The following SIGIRR variants were observed in gnomAD, a reference collection of about 807,000 sequenced individuals.
SIGIRR encodes the protein single Ig and TIR domain containing, also known as single Ig IL-1-related receptor.
Under a neutral mutation model 45.6 loss-of-function variants are expected in SIGIRR, and 41 were observed. The observed-to-expected ratio is 0.90, with a 90% CI of 0.70 to 1.17. SIGIRR has a LOEUF of 1.17. Ranked by LOEUF, SIGIRR falls within the 50% of genes most tolerant of loss-of-function variation. SIGIRR has a pLI of 0.00. For missense variants in SIGIRR, 599 were observed against 539.6 expected (o/e 1.11, Z -1.09); for synonymous variants, 298 against 239.0 (o/e 1.25, Z -2.28).
chr11:409,639 C>G (rs534082081), intron 2 of SIGIRR: 1 of 435,806 alleles, frequency 2.3e-6, no homozygotes, highest in Admixed American at 4.0e-5. Flanking sequence ...CTTTACTGAC[C>G]CTCATGAGCC....
chr11:409,941 C>T lies in SIGIRR; in HGVS notation c.-67G>A, dbSNP rs1448436435. 3.2e-6 allele frequency: 4 copies of T among 1,262,562 alleles called. No individual in the cohort carries two copies. In the African/African-American group the frequency reaches 4.6e-5, roughly 15 times the overall value. 78.2% of individuals were successfully genotyped at this position (1,262,562 alleles called of 1,614,324 possible). ...GGTCACCCCTGGCTCCACCGGGCTC[C>T]TCGGCCAGCAGACTGATCCAAGAGC... On this transcript the variant is annotated 5_prime_UTR_variant, in exon 2 of 10. Coordinates refer to ENST00000431843, the MANE Select transcript of SIGIRR (RefSeq NM_001135054.2).
Position 409,973 on chromosome 11 carries a change from G to A in SIGIRR, c.-99C>T, listed in dbSNP as rs1037886467. On this transcript the variant is annotated 5_prime_UTR_variant, in exon 2 of 10. Transcript: ENST00000431843. ...AGCAGACTGATCCAAGAGCTGGGCA[G>A]GACTCCTCTCTGTCCTTGCAGTCAG... 2 of 1,253,336 alleles carry A rather than the reference G, an allele frequency of 1.6e-6. No individual in the cohort carries two copies. The highest frequency in any genetic ancestry group is 3.1e-5 in the African/African-American group (2 of 64,480). 77.6% of individuals were successfully genotyped at this position (1,253,336 alleles called of 1,614,324 possible). A position where few individuals can be genotyped will look rare whatever the true frequency, so the allele number is the denominator to read the frequency against.
At chr11:409,707 G>T in intron 2 of SIGIRR, 161 bp downstream of exon 2, 1 of 768,266 alleles carries the variant, frequency 1.3e-6, no homozygotes, top group Non-Finnish European at 1.9e-6. Flanking sequence ...TGGTTTCAGG[G>T]CCAAGGGCCC....
intron 6 of SIGIRR, 33 bp from the exon 7 acceptor site, chr11:407,197 C>A (rs1402626277): frequency 3.7e-5 from 3 of 81,428 alleles, no homozygotes; most frequent in South Asian, 3.2e-4. Flanking sequence ...GGCGCAGGGG[C>A]GGGGGCGGGG....
At chr11:416,816 G>A (rs1046415433), upstream of SIGIRR, among the ~76,000 whole-genome samples, 70 of 152,158 alleles carry the variant, frequency 4.6e-4, no homozygotes, top group African/African-American at 1.6e-3. This position sits in a 1 kb window ranked among gnomAD's most constrained non-coding sequence, Gnocchi z 9.1. Flanking sequence ...GGCGGAGAAC[G>A]AGGACGCGCG....
chr11:410,607 T>G (rs1180540079), intron 1 of SIGIRR, among the ~76,000 whole-genome samples: 2 of 57,516 alleles, frequency 3.5e-5, no homozygotes, highest in East Asian at 1.3e-3. Context: ...TCTGACCATG[T>G]CTGGATGCAG....
chr11:407,594 A>G lies in SIGIRR; in HGVS notation c.482-26T>C, dbSNP rs768723639. ...CTGCGGACGGCGGCCAGTCACCCCG[A>G]TGGCTCCCGAGGCCTCACACCAGCC... On this transcript the variant is annotated intron_variant, in intron 5 of 9. Coordinates refer to ENST00000431843, the MANE Select transcript of SIGIRR (RefSeq NM_001135054.2). 8 of 1,601,316 alleles carry G rather than the reference A, an allele frequency of 5.0e-6. No individual in the cohort carries two copies. The South Asian group carries it at 8.9e-5, about 18-fold the overall frequency.
chr11:409,751 C>A, intron 2 of SIGIRR, 117 bp downstream of exon 2: 3 of 1,186,888 alleles, frequency 2.5e-6, no homozygotes, highest in Non-Finnish European at 3.3e-6. Flanking sequence ...TTTGTACCCC[C>A]GGCATGTGGC....
chr11:407,078 A>C lies in SIGIRR; in HGVS notation c.712T>G (p.Cys238Gly). 6.4e-7 allele frequency: 1 copy of C among 1,556,246 alleles called. No homozygotes were observed. The highest frequency in any genetic ancestry group is 8.6e-7 in the Non-Finnish European group (1 of 1,156,632). Reference sequence around the variant, plus strand: ...GGGACCCACCGGAAGCTGTGGCTGCACCAGGCCCGGCTCAGGAAGGCGTCC... The same window carrying C: ...GGGACCCACCGGAAGCTGTGGCTGCCCCAGGCCCGGCTCAGGAAGGCGTCC... ...LSDAFLSRAW[C>G]SHSFREGLCR... The change falls in exon 7 of 10, where the codon TGC (cysteine) becomes GGC (glycine). Residue 238 changes from cysteine (C) to glycine (G), a missense_variant. By Grantham distance (159) the Cys-to-Gly change is radical. Coordinates refer to ENST00000431843, the MANE Select transcript of SIGIRR (RefSeq NM_001135054.2).
chr11:413,958 C>T (rs1423778930), intron 1 of SIGIRR, among the ~76,000 whole-genome samples: 20 of 134,280 alleles, frequency 1.5e-4, no homozygotes, highest in Admixed American at 2.2e-4. Context: ...CTACCTTTCC[C>T]TGTACTCTCG....
intron 6 of SIGIRR, 38 bp from the exon 7 acceptor site, chr11:407,202 G>C: frequency 1.0e-6 from 1 of 993,810 alleles, no homozygotes; most frequent in Non-Finnish European, 1.4e-6. Context: ...AGGGGCGGGG[G>C]CGGGGGAGGG....
rs201897529 is a variant in SIGIRR, at chr11:406,999, G to A, written c.729-6C>T. ...GCAGCCGGCACAGGCCCTCCCTGCG[G>A]GGCGGGACCGTCAGGGGGGTGGGTG... On this transcript the variant is annotated splice_region_variant and splice_polypyrimidine_tract_variant and intron_variant, in intron 7 of 9. Transcript: ENST00000431843. 1.5e-3 allele frequency: 2,430 copies of A among 1,595,270 alleles called. 1 individual carries two copies. The highest frequency in any genetic ancestry group is 2.2e-3 in the Admixed American group (132 of 59,008).
rs115003517 is a variant in SIGIRR, at chr11:406,665, G to A, written c.880-127C>T. On this transcript the variant is annotated intron_variant, in intron 8 of 9. Transcript: ENST00000431843. ...CCTGCGACAGCTATTCCGTGGCTCC[G>A]GGGGCCTCAAGGGCGGCTCCCCGCA... is the stretch of plus-strand genomic sequence containing the variant. 1,829 of 1,412,462 alleles carry A rather than the reference G, an allele frequency of 1.3e-3. 17 individuals carry two copies. In the African/African-American group the frequency reaches 0.024, roughly 18 times the overall value. 87.5% of individuals were successfully genotyped at this position (1,412,462 alleles called of 1,614,324 possible). A position where few individuals can be genotyped will look rare whatever the true frequency, so the allele number is the denominator to read the frequency against.
rs1478505979 is a variant in SIGIRR, at chr11:408,875, G to A, written c.26C>T (p.Pro9Leu). 1 of 1,612,670 alleles carries A rather than the reference G, an allele frequency of 6.2e-7. No individual in the cohort carries two copies. Among genetic ancestry groups the A allele is most frequent in the East Asian group, 2.2e-5 (1 of 44,888 alleles). The part of the protein sequence containing the change: MPGVCDRA[P>L]DFLSPSEDQV... ...GTCTTCAGACGGGGAGAGGAAGTCA[G>A]GGGCCCTATCACAGACACCTGAAGA... Residue 9 changes from proline to leucine, a missense_variant, in exon 3 of 10, where the codon CCT (proline) becomes CTT (leucine). Coordinates refer to ENST00000431843, the MANE Select transcript of SIGIRR (RefSeq NM_001135054.2).
At chr11:406,294 C>A in intron 9 of SIGIRR, 55 bp downstream of exon 9, 3 of 1,584,488 alleles carry the variant, frequency 1.9e-6, no homozygotes, top group Non-Finnish European at 1.7e-6. Flanking sequence ...TGCCTGCCCC[C>A]ACTCCGCCCT....
In SIGIRR at chr11:409,751, C is replaced by T. The variant is rs545714642; in HGVS notation, c.7+117G>A. 120 of 1,186,880 alleles carry T rather than the reference C, an allele frequency of 1.0e-4. 3 individuals are homozygous for T. In the South Asian group the frequency reaches 2.7e-3, roughly 27 times the overall value. 73.5% of individuals were successfully genotyped at this position (1,186,880 alleles called of 1,614,324 possible). On this transcript the variant is annotated intron_variant, in intron 2 of 9. Coordinates refer to ENST00000431843, the MANE Select transcript of SIGIRR (RefSeq NM_001135054.2). ...GGGTGAGCAGGGGCCTTTGTACCCC[C>T]GGCATGTGGCCAGGCAGAGTGCCTG... is the stretch of plus-strand genomic sequence containing the variant.
chr11:409,595 G>A, intron 2 of SIGIRR: 1 of 417,516 alleles, frequency 2.4e-6, no homozygotes, highest in Non-Finnish European at 4.2e-6. Context: ...CCCTGCTGTG[G>A]GCCCCAGCAG....
chr11:410,349 C>T (rs1475617691), intron 1 of SIGIRR, among the ~76,000 whole-genome samples: 1 of 152,170 alleles, frequency 6.6e-6, no homozygotes, highest in Non-Finnish European at 1.5e-5. Context: ...GGCAGTTGGC[C>T]TCACTCCTGG....
chr11:410,710 GGT>G (rs1170362979), intron 1 of SIGIRR, among the ~76,000 whole-genome samples: 1 of 111,372 alleles, frequency 9.0e-6, no homozygotes, highest in African/African-American at 3.6e-5. Context: ...TCAGGGAGGG[GGT>G]TGCCCAGCTC....
Sources: allele counts gnomAD v4.1 joint callset (sites outside exome capture counted in the v4.1 genomes callset), GRCh38; gene constraint gnomAD v4.1.1; non-coding constraint Gnocchi (gnomAD v3.1); transcripts MANE v1.5; gene names NCBI Gene and HGNC (gene_info 2026-07-23, HGNC 2026-07-21).